PRTFDC1: variants seen among roughly 807,000 people sequenced by gnomAD.
The protein encoded by PRTFDC1 is phosphoribosyltransferase domain-containing protein 1.
A neutral mutation model predicts 34.6 loss-of-function variants in PRTFDC1; 38 were observed. The ratio of observed to expected loss-of-function variants is 1.10; its 90% CI spans 0.85 to 1.44. The LOEUF (loss-of-function observed/expected upper bound fraction) is 1.44, where lower values mean the gene tolerates loss of function less well. Ranked by LOEUF, PRTFDC1 falls within the 40% of genes most tolerant of loss-of-function variation. PRTFDC1 has a pLI of 0.00. For missense variants in PRTFDC1, 270 were observed against 283.0 expected (o/e 0.95, Z 0.33); for synonymous variants, 93 against 98.1 (o/e 0.95, Z 0.31).
intron 8 of PRTFDC1, among the ~76,000 whole-genome samples, chr10:24,850,962 T>G (rs942877405): frequency 6.6e-6 from 1 of 152,124 alleles, no homozygotes; most frequent in Non-Finnish European, 1.5e-5. Context: ...GGGGTCCACG[T>G]CTGTGTGGTG....
At chr10:24,941,623 G>A (rs1034337325) in intron 2 of PRTFDC1, among the ~76,000 whole-genome samples, 1 of 152,112 alleles carries the variant, frequency 6.6e-6, no homozygotes, top group South Asian at 2.1e-4. Context: ...TTTACTGGAT[G>A]ATTCTCTTGT....
In PRTFDC1 at chr10:24,855,382, A is replaced by T; in HGVS notation, c.507-18T>A. On this transcript the variant is annotated intron_variant, in intron 6 of 8. Coordinates refer to ENST00000320152, the MANE Select transcript of PRTFDC1 (RefSeq NM_020200.7). ...CCAACAAACTACCATTAAAAAAGAC[A>T]TGCTTTAGTGAACCCAATCAAATCT... The T allele has an allele frequency of 2.5e-6, 4 of 1,613,842 alleles. No individual in the cohort carries two copies. Among genetic ancestry groups the T allele is most frequent in the Non-Finnish European group, 3.4e-6 (4 of 1,179,794 alleles).
At chr10:24,889,687 G>A (rs1848228899) in intron 3 of PRTFDC1, among the ~76,000 whole-genome samples, 1 of 152,130 alleles carries the variant, frequency 6.6e-6, no homozygotes, top group Non-Finnish European at 1.5e-5. Flanking sequence ...AATGAGACAT[G>A]AACACTGTGG....
Position 24,937,333 on chromosome 10 carries a change from T to C in PRTFDC1, c.190A>G (p.Ile64Val), listed in dbSNP as rs367876185. 1.1e-5 allele frequency: 18 copies of C among 1,612,150 alleles called. No homozygotes were observed. The Admixed American group carries it at 2.4e-4, about 21-fold the overall frequency. ...ERLAKDIMKD[I>V]GYSDIMVLCV... ...AGGACCATGATGTCACTATATCCTA[T>C]GTCTTTCATAATATCCTTGGCCAGC... Residue 64 changes from isoleucine to valine, a missense_variant, in exon 3 of 9, where the codon ATA becomes GTA. Physicochemically the swap from Ile to Val is conservative, Grantham distance 29. Coordinates refer to ENST00000320152, the MANE Select transcript of PRTFDC1 (RefSeq NM_020200.7).
intron 3 of PRTFDC1, chr10:24,908,417 T>C: frequency 6.6e-7 from 1 of 1,508,648 alleles, no homozygotes; most frequent in Non-Finnish European, 8.9e-7. Context: ...AGTTTCTTCA[T>C]GAAGACTGTG....
chr10:24,894,434 C>T (rs1378909049), intron 3 of PRTFDC1, among the ~76,000 whole-genome samples: 8 of 152,118 alleles, frequency 5.3e-5, no homozygotes, highest in African/African-American at 9.7e-5. Context: ...TCTTAGGCTT[C>T]GGCCTCTGTG....
chr10:24,912,343 C>T (rs180979269), intron 3 of PRTFDC1, among the ~76,000 whole-genome samples: 12 of 137,324 alleles, frequency 8.7e-5, no homozygotes, highest in African/African-American at 3.3e-4. Context: ...GAGGCTGCAG[C>T]GTCTTCCATT....
chr10:24,922,724 G>T (rs1217606677), intron 3 of PRTFDC1, among the ~76,000 whole-genome samples: 1 of 152,218 alleles, frequency 6.6e-6, no homozygotes, highest in Non-Finnish European at 1.5e-5. Flanking sequence ...CTCCCAGCAT[G>T]ATTGATGCAG....
intron 1 of PRTFDC1, among the ~76,000 whole-genome samples, chr10:24,948,138 A>G (rs1044423107): frequency 3.2e-5 from 4 of 125,866 alleles, no homozygotes; most frequent in African/African-American, 1.0e-4. Context: ...ATACTGCCGT[A>G]TTTTCATGGG....
intron 6 of PRTFDC1, among the ~76,000 whole-genome samples, chr10:24,856,265 C>T: frequency 6.6e-6 from 1 of 151,436 alleles, no homozygotes; most frequent in Non-Finnish European, 1.5e-5. Flanking sequence ...CAGAGCAAGA[C>T]CCTGTCTCAT....
chr10:24,938,206 G>A lies in PRTFDC1; in HGVS notation c.156-839C>T, dbSNP rs554055111. On this transcript the variant is annotated intron_variant, in intron 2 of 8. Transcript: ENST00000320152. Reference sequence around the variant, plus strand: ...GCACCACTGTACTACTCCAGCCTGCGCGACAGAGCAAGGCTCCTTCTCAAA... The same window carrying A: ...GCACCACTGTACTACTCCAGCCTGCACGACAGAGCAAGGCTCCTTCTCAAA... 6.4e-4 allele frequency among the ~76,000 whole-genome samples: 97 copies of A among 151,730 alleles called. 1 individual carries two copies. The South Asian group carries it at 0.018, about 28-fold the overall frequency.
intron 7 of PRTFDC1, among the ~76,000 whole-genome samples, chr10:24,853,134 G>A (rs1158086260): frequency 2.0e-5 from 3 of 151,958 alleles, no homozygotes; most frequent in Admixed American, 6.6e-5. Flanking sequence ...AGAAAGGAAC[G>A]CAAAGTACAA....
chr10:24,874,058 C>A (rs775645029), intron 3 of PRTFDC1, among the ~76,000 whole-genome samples: 3 of 151,748 alleles, frequency 2.0e-5, no homozygotes, highest in Non-Finnish European at 4.4e-5. Context: ...CAGGTGCTCA[C>A]CACTATGCCT....
rs552446561 is a variant in PRTFDC1, at chr10:24,917,850, G to A, written c.339+19334C>T. On this transcript the variant is annotated intron_variant, in intron 3 of 8. Coordinates refer to ENST00000320152, the MANE Select transcript of PRTFDC1 (RefSeq NM_020200.7). Reference sequence around the variant, plus strand: ...CAAACCTCAGTGCCTCATTGGTGGGGGCTACGAGTGGTCACATGCCCGGCT... The same window carrying A: ...CAAACCTCAGTGCCTCATTGGTGGGAGCTACGAGTGGTCACATGCCCGGCT... 6.6e-5 allele frequency among the ~76,000 whole-genome samples: 10 copies of A among 152,252 alleles called. No homozygotes were observed. The South Asian group carries it at 1.9e-3, about 28-fold the overall frequency.
chr10:24,933,225 C>A (rs1184654749), intron 3 of PRTFDC1, among the ~76,000 whole-genome samples: 1 of 150,980 alleles, frequency 6.6e-6, no homozygotes, highest in Non-Finnish European at 1.5e-5. Flanking sequence ...TTAGGTACAC[C>A]AAAAGCATGA....
At chr10:24,939,795 A>C (rs1321513066) in intron 2 of PRTFDC1, among the ~76,000 whole-genome samples, 2 of 11,318 alleles carry the variant, frequency 1.8e-4, no homozygotes, top group Non-Finnish European at 3.7e-4. Context: ...CTCTATCTCA[A>C]AAAAAAAAAA....
At chr10:24,879,488 T>G (rs1848028524) in intron 3 of PRTFDC1, among the ~76,000 whole-genome samples, 1 of 151,940 alleles carries the variant, frequency 6.6e-6, no homozygotes. Flanking sequence ...GGATTACAGG[T>G]GCGTGCCACC....
rs1425810963 is a variant in PRTFDC1, at chr10:24,911,958, AGT to A, written c.339+25224_339+25225del. Among the ~76,000 whole-genome samples, 6 of 151,990 alleles carry A rather than the reference AGT, an allele frequency of 3.9e-5. No individual in the cohort carries two copies. The South Asian group carries it at 6.2e-4, about 16-fold the overall frequency. On this transcript the variant is annotated intron_variant, in intron 3 of 8. Transcript: ENST00000320152. ...AGTATGATTGTAGATCACATTGATAAGTGTGGGTTTACTTTATAAGAAATTGC... is the reference window on the plus strand; with the variant it reads ...AGTATGATTGTAGATCACATTGATAAGTGGGTTTACTTTATAAGAAATTGC...
At chr10:24,929,053 AAAGAAAGAAAGAAAGAAAG>A (rs1175110958) in intron 3 of PRTFDC1, among the ~76,000 whole-genome samples, 2 of 22,096 alleles carry the variant, frequency 9.1e-5, no homozygotes, top group Non-Finnish European at 3.8e-4. Flanking sequence ...AAAAAAAAAA[AAAGAAAGAAAGAAAGAAAG>A]AAAGGGAGGC....
Sources: allele counts gnomAD v4.1 joint callset (sites outside exome capture counted in the v4.1 genomes callset), GRCh38; gene constraint gnomAD v4.1.1; transcripts MANE v1.5; gene names NCBI Gene and HGNC (gene_info 2026-07-23, HGNC 2026-07-21).